SLC14A2: variants seen among roughly 807,000 people sequenced by gnomAD.
SLC14A2 encodes the protein solute carrier family 14 member 2.
Under a neutral mutation model 104.6 loss-of-function variants are expected in SLC14A2, and 91 were observed. That is an observed-to-expected ratio of 0.87 (90% CI 0.73 to 1.04). The LOEUF (loss-of-function observed/expected upper bound fraction) is 1.04, where lower values mean the gene tolerates loss of function less well. SLC14A2 is among the 50% of genes least tolerant of loss of function. The pLI is 0.00. For missense variants in SLC14A2, 1,189 were observed against 1,156.0 expected (o/e 1.03, Z -0.41); for synonymous variants, 476 against 466.4 (o/e 1.02, Z -0.27).
intron 1 of SLC14A2, among the ~76,000 whole-genome samples, chr18:45,246,786 A>G (rs1399204192): frequency 6.6e-6 from 1 of 152,098 alleles, no homozygotes; most frequent in African/African-American, 2.4e-5. Flanking sequence ...CGAGGCAGGC[A>G]GATCACGAGG....
chr18:45,579,476 G>A (rs2044459300), intron 2 of SLC14A2, among the ~76,000 whole-genome samples: 1 of 152,184 alleles, frequency 6.6e-6, no homozygotes, highest in African/African-American at 2.4e-5. Flanking sequence ...GCTTTTCCCT[G>A]TTTAAGTGGC....
the SLC14A2 span, among the ~76,000 whole-genome samples, chr18:45,189,128 T>G: frequency 3.9e-5 from 6 of 152,192 alleles, no homozygotes; most frequent in Admixed American, 6.5e-5. Context: ...AGCTAGTAAG[T>G]GGCAAACTGG....
intron 1 of SLC14A2, among the ~76,000 whole-genome samples, chr18:45,251,975 A>G (rs2084428363): frequency 6.6e-6 from 1 of 152,222 alleles, no homozygotes; most frequent in Admixed American, 6.5e-5. Context: ...CTTGTAGAAC[A>G]TTAAAATCAT....
chr18:45,380,862 G>A (rs907360240), intron 1 of SLC14A2, among the ~76,000 whole-genome samples: 2 of 152,176 alleles, frequency 1.3e-5, no homozygotes, highest in African/African-American at 4.8e-5. Flanking sequence ...TTGAATCTCA[G>A]CTACCTCATC....
chr18:45,364,095 C>G (rs899540640), intron 1 of SLC14A2, among the ~76,000 whole-genome samples: 2 of 152,188 alleles, frequency 1.3e-5, no homozygotes, highest in Non-Finnish European at 2.9e-5. Context: ...CCCTCCCATC[C>G]CTCAACTCTT....
intron 10 of SLC14A2, among the ~76,000 whole-genome samples, chr18:45,655,676 G>C (rs996962412): frequency 1.3e-5 from 2 of 152,236 alleles, no homozygotes; most frequent in African/African-American, 4.8e-5. Flanking sequence ...AGAAGAGCAT[G>C]TGGAGAAAGA....
At chr18:45,380,357 C>A (rs922736287) in intron 1 of SLC14A2, among the ~76,000 whole-genome samples, 5 of 152,146 alleles carry the variant, frequency 3.3e-5, no homozygotes, top group Admixed American at 2.6e-4. Flanking sequence ...AGAGAGCACA[C>A]ACCATGAGAA....
At chr18:45,306,904 TCTC>T in intron 1 of SLC14A2, among the ~76,000 whole-genome samples, 1 of 152,262 alleles carries the variant, frequency 6.6e-6, no homozygotes, top group East Asian at 1.9e-4. Flanking sequence ...CATTTTTTTC[TCTC>T]CTCTTAATCC....
intron 2 of SLC14A2, among the ~76,000 whole-genome samples, chr18:45,559,777 G>A (rs2044178475): frequency 6.6e-6 from 1 of 152,214 alleles, no homozygotes; most frequent in Admixed American, 6.5e-5. Context: ...TAACATCCAA[G>A]AGACTGCTTT....
At chr18:45,630,655 A>T (rs557189665) in intron 4 of SLC14A2, among the ~76,000 whole-genome samples, 49 of 152,358 alleles carry the variant, frequency 3.2e-4, no homozygotes, top group Admixed American at 1.2e-3. Flanking sequence ...GCACTAATTT[A>T]TATCACCAAA....
chr18:45,669,226 A>C (rs2046084700), intron 15 of SLC14A2, 80 bp from the exon 16 acceptor site: 1 of 1,180,842 alleles, frequency 8.5e-7, no homozygotes, highest in South Asian at 1.5e-5. Flanking sequence ...AGGAAGGCAC[A>C]GGGAGCCCCC....
chr18:45,488,851 G>A (rs547246048), intron 2 of SLC14A2, among the ~76,000 whole-genome samples: 7 of 152,260 alleles, frequency 4.6e-5, no homozygotes, highest in Middle Eastern at 3.4e-3. Context: ...TAGTCCCCAC[G>A]TTCTCACTCC....
In SLC14A2 at chr18:45,639,768, G is replaced by GTTACA; in HGVS notation, c.866_867insTTACA (p.Val290TyrfsTer42). Reference sequence around the variant, plus strand: ...CAGCTGTTACAAGCCATCCCTGTTGGGGTCGGCCAGGTGTATGGCTGTGAC... The same window carrying GTTACA: ...CAGCTGTTACAAGCCATCCCTGTTGGTTACAGGTCGGCCAGGTGTATGGCTGTGAC... On this transcript the variant is annotated frameshift_variant, in exon 7 of 20. Coordinates refer to ENST00000255226, the MANE Select transcript of SLC14A2 (RefSeq NM_007163.4). LOFTEE classifies it high-confidence loss of function. The GTTACA allele has an allele frequency of 6.2e-7, 1 of 1,613,906 alleles. No individual in the cohort carries two copies. The highest frequency in any genetic ancestry group is 1.7e-5 in the Admixed American group (1 of 60,020).
intron 2 of SLC14A2, among the ~76,000 whole-genome samples, chr18:45,524,499 T>TCCAG (rs1327486319): frequency 9.2e-5 from 14 of 152,072 alleles, no homozygotes; most frequent in African/African-American, 3.4e-4. Context: ...AGAGGAAGGG[T>TCCAG]TGGACACTGG....
chr18:45,195,151 A>T, the SLC14A2 span, among the ~76,000 whole-genome samples: 1 of 152,160 alleles, frequency 6.6e-6, no homozygotes, highest in Non-Finnish European at 1.5e-5. Flanking sequence ...CTGTAGCATA[A>T]TGAGGGACGA....
chr18:45,302,933 C>A (rs2084982460), intron 1 of SLC14A2, among the ~76,000 whole-genome samples: 1 of 152,030 alleles, frequency 6.6e-6, no homozygotes, highest in African/African-American at 2.4e-5. Context: ...TGCTGGGTAA[C>A]TGTGGGTAAA....
chr18:45,171,556 T>G, the SLC14A2 span, among the ~76,000 whole-genome samples: 2 of 152,162 alleles, frequency 1.3e-5, no homozygotes, highest in African/African-American at 4.8e-5. Flanking sequence ...GATATGATTC[T>G]TTTGTTTTAT....
At chr18:45,168,105 C>T in the SLC14A2 span, among the ~76,000 whole-genome samples, 1 of 152,168 alleles carries the variant, frequency 6.6e-6, no homozygotes, top group Admixed American at 6.5e-5. Context: ...TCTACAACTT[C>T]ATATTCAATA....
intron 1 of SLC14A2, among the ~76,000 whole-genome samples, chr18:45,297,030 G>T (rs1489119540): frequency 6.6e-6 from 1 of 152,116 alleles, no homozygotes; most frequent in Non-Finnish European, 1.5e-5. Context: ...GTTACATGCT[G>T]CCCTATGGAA....
Sources: allele counts gnomAD v4.1 joint callset (sites outside exome capture counted in the v4.1 genomes callset), GRCh38; gene constraint gnomAD v4.1.1; transcripts MANE v1.5; gene names NCBI Gene and HGNC (gene_info 2026-07-23, HGNC 2026-07-21).